The following NPAS4 variants were observed in gnomAD, a reference collection of about 807,000 sequenced individuals.
NPAS4 encodes the protein neuronal PAS domain protein 4.
NPAS4 carries 10 observed loss-of-function variants against 64.0 expected under a neutral mutation model. That is an observed-to-expected ratio of 0.16 (90% CI 0.10 to 0.26). The LOEUF (loss-of-function observed/expected upper bound fraction) is 0.26, where lower values mean the gene tolerates loss of function less well. Ranked by LOEUF, NPAS4 falls within the 10% of genes least tolerant of loss-of-function variation. The pLI is 1.00. For synonymous variants in NPAS4, 441 were observed against 411.7 expected (o/e 1.07, Z -0.86); for missense variants, 886 against 992.6 (o/e 0.89, Z 1.44).
Position 66,424,058 on chromosome 11 carries a change from C to T in NPAS4, c.1168C>T (p.Leu390Phe). Reference sequence around the variant, plus strand: ...GAGTGTTGTCTCTGCATCAGAAGAGCTTCCCCGACCCTCCAAAGAACTGGA... The same window carrying T: ...GAGTGTTGTCTCTGCATCAGAAGAGTTTCCCCGACCCTCCAAAGAACTGGA... ...ELSVVSASEELPRPSKELDFS... is the reference protein window; with the variant it reads ...ELSVVSASEEFPRPSKELDFS... The change falls in exon 7 of 8, where the codon CTT becomes TTT. Residue 390 changes from leucine (L) to phenylalanine (F), a missense_variant. Around this residue, in one of 3 missense-constraint regions of NPAS4, gnomAD observed 820 missense variants for 855.5 expected, o/e 0.96. Coordinates refer to ENST00000311034, the MANE Select transcript of NPAS4 (RefSeq NM_178864.4). The T allele has an allele frequency of 6.2e-7, 1 of 1,614,124 alleles. No individual in the cohort carries two copies. Among genetic ancestry groups the T allele is most frequent in the Non-Finnish European group, 8.5e-7 (1 of 1,179,992 alleles).
chr11:66,422,742 G>C lies in NPAS4; in HGVS notation c.499G>C (p.Val167Leu). The change falls in exon 4 of 8, where the codon GTG becomes CTG. Residue 167 changes from valine to leucine, a missense_variant. Val to Leu is a conservative substitution (Grantham distance 32). Transcript: ENST00000311034. ...GCGCCAGAGTGCAGGCAACAAACTC[G>C]TGCTTATTCGAGGCCGATTCCATGC... is the stretch of plus-strand genomic sequence containing the variant. The part of the protein sequence containing the change: ...LRRQSAGNKL[V>L]LIRGRFHAHP... 6.2e-7 allele frequency: 1 copy of C among 1,614,120 alleles called. No homozygotes were observed. The highest frequency in any genetic ancestry group is 8.5e-7 in the Non-Finnish European group (1 of 1,180,022).
intron 1 of NPAS4, 85 bp downstream of exon 1, chr11:66,421,439 G>A: frequency 1.6e-6 from 2 of 1,244,162 alleles, no homozygotes; most frequent in Non-Finnish European, 2.3e-6. Flanking sequence ...GCTGTCGCAT[G>A]TCTAGGGCAG....
In NPAS4 at chr11:66,423,988, A is replaced by T. The variant is rs756295950; in HGVS notation, c.1098A>T (p.Ala366=). The change falls in exon 7 of 8, where the codon GCA becomes GCT. Residue 366 remains alanine, a synonymous_variant. Coordinates refer to ENST00000311034, the MANE Select transcript of NPAS4 (RefSeq NM_178864.4). The stretch of plus-strand genomic sequence containing the variant: ...GCACTAACCCACTCTTCACCGCAGC[A>T]CTGGGGGCTCCCAGAAGCACCAGCT... The part of the protein sequence containing the change: ...CSSTNPLFTA[A]LGAPRSTSFP... 2 of 1,614,140 alleles carry T rather than the reference A, an allele frequency of 1.2e-6. No homozygotes were observed. Among genetic ancestry groups the T allele is most frequent in the Non-Finnish European group, 1.7e-6 (2 of 1,180,004 alleles).
Position 66,421,150 on chromosome 11 carries a change from AC to A in NPAS4, c.-27del. The stretch of plus-strand genomic sequence containing the variant: ...GGGACGGGAGCGCAGGTGCTCGGGC[AC>A]CCGAGCTGGAGCTCCGCAGCCGCCG... On this transcript the variant is annotated 5_prime_UTR_variant, in exon 1 of 8. Coordinates refer to ENST00000311034, the MANE Select transcript of NPAS4 (RefSeq NM_178864.4). 6.4e-7 allele frequency: 1 copy of A among 1,564,514 alleles called. No individual in the cohort carries two copies.
chr11:66,412,202 G>A, the NPAS4 span, among the ~76,000 whole-genome samples: 13 of 152,354 alleles, frequency 8.5e-5, no homozygotes, highest in South Asian at 2.1e-3. Flanking sequence ...GTTGGCTTCC[G>A]GAAGAATGGC....
rs747102903 is a variant in NPAS4 at position 66,422,756 on chromosome 11, C to T, written c.513C>T (p.Gly171=). The T allele has an allele frequency of 6.2e-7, 1 of 1,614,184 alleles. No homozygotes were observed. Among genetic ancestry groups the T allele is most frequent in the Non-Finnish European group, 8.5e-7 (1 of 1,180,034 alleles). ...GCAACAAACTCGTGCTTATTCGAGG[C>T]CGATTCCATGCTCACCCACCTGGAG... ...SAGNKLVLIR[G]RFHAHPPGAY... Residue 171 remains glycine (G), a synonymous_variant, in exon 4 of 8, where the codon GGC becomes GGT. Transcript: ENST00000311034.
chr11:66,426,056 C>G lies in NPAS4; in HGVS notation c.*67C>G, dbSNP rs1315787707. 3.4e-6 allele frequency: 4 copies of G among 1,191,530 alleles called. No homozygotes were observed. In the South Asian group the frequency reaches 3.6e-5, roughly 11 times the overall value. 73.8% of individuals were successfully genotyped at this position (1,191,530 alleles called of 1,614,324 possible). A position where few individuals can be genotyped will look rare whatever the true frequency, so the allele number is the denominator to read the frequency against. On this transcript the variant is annotated 3_prime_UTR_variant, in exon 8 of 8. Transcript: ENST00000311034. ...ATCAAGACGTGGAGCCGCTCTCCAC[C>G]CCCCCGGGACTGTTGGGGGGATTCT... is the stretch of plus-strand genomic sequence containing the variant.
At chr11:66,415,684 C>T in the NPAS4 span, among the ~76,000 whole-genome samples, 6 of 152,188 alleles carry the variant, frequency 3.9e-5, no homozygotes, top group Admixed American at 3.9e-4. Flanking sequence ...AACCCTAGCC[C>T]TATCACGTGG....
intron 1 of NPAS4, 116 bp downstream of exon 1, chr11:66,421,470 A>T (rs1221697464): frequency 5.7e-6 from 5 of 880,994 alleles, no homozygotes; most frequent in Non-Finnish European, 5.4e-6. Context: ...AGCTGGGGAG[A>T]TTCGGGACTC....
intron 5 of NPAS4, 114 bp from the exon 6 acceptor site, chr11:66,423,464 A>G: frequency 2.4e-6 from 3 of 1,252,526 alleles, no homozygotes. Context: ...AGGTGAGGGT[A>G]GTCAGAAGAG....
chr11:66,413,505 G>A, the NPAS4 span, among the ~76,000 whole-genome samples: 107 of 152,366 alleles, frequency 7.0e-4, no homozygotes, highest in African/African-American at 2.4e-3. Context: ...CTCAAGGCTA[G>A]GCTTGGACCC....
At chr11:66,409,738 G>A in the NPAS4 span, 2 of 152,348 alleles carry the variant, frequency 1.3e-5, no homozygotes, top group Non-Finnish European at 2.9e-5. Context: ...CTGGCCAGAG[G>A]TCAAGGCATT....
chr11:66,421,980 G>C, intron 1 of NPAS4, 140 bp from the exon 2 acceptor site: 1 of 706,870 alleles, frequency 1.4e-6, no homozygotes, highest in Non-Finnish European at 2.4e-6. Flanking sequence ...AAGAGCTGCG[G>C]GCAGCGGGTC....
the NPAS4 span, among the ~76,000 whole-genome samples, chr11:66,415,206 T>C: frequency 1.3e-5 from 2 of 152,072 alleles, no homozygotes; most frequent in South Asian, 4.2e-4. Context: ...TCATCCTGCA[T>C]GGGGAGGGTA....
chr11:66,417,467 G>T (rs778749680), upstream of NPAS4, among the ~76,000 whole-genome samples: 1 of 152,158 alleles, frequency 6.6e-6, no homozygotes, highest in Non-Finnish European at 1.5e-5. Context: ...GAGAGGTCAT[G>T]TGGGGCTCCT....
chr11:66,419,728 G>T (rs1338866370), upstream of NPAS4, among the ~76,000 whole-genome samples: 2 of 152,212 alleles, frequency 1.3e-5, no homozygotes, highest in Middle Eastern at 3.4e-3. Context: ...AAGGTGACAG[G>T]ATATGAAAAG....
In NPAS4 at chr11:66,425,973, G is replaced by A; in HGVS notation, c.2393G>A (p.Gly798Glu). 6.2e-7 allele frequency: 1 copy of A among 1,612,162 alleles called. No homozygotes were observed. Among genetic ancestry groups the A allele is most frequent in the Non-Finnish European group, 8.5e-7 (1 of 1,178,218 alleles). The part of the protein sequence containing the change: ...QDSFHEDGSG[G>E]EPTF ...TATCTCTCTGCAGATGGAAGTGGAG[G>A]GGAACCAACGTTTTGAATAAGTCTG... The change falls in exon 8 of 8, where the codon GGG becomes GAG. Residue 798 changes from glycine to glutamate, a missense_variant. Coordinates refer to ENST00000311034, the MANE Select transcript of NPAS4 (RefSeq NM_178864.4).
At chr11:66,418,710 C>T (rs1856696672), upstream of NPAS4, among the ~76,000 whole-genome samples, 1 of 152,184 alleles carries the variant, frequency 6.6e-6, no homozygotes. Context: ...TTACTTCACC[C>T]TTAGAGCCCA....
intron 7 of NPAS4, among the ~76,000 whole-genome samples, chr11:66,425,675 G>A (rs1255503226): frequency 2.0e-5 from 3 of 152,148 alleles, no homozygotes; most frequent in African/African-American, 7.2e-5. Flanking sequence ...CTCCCTGAAG[G>A]GGATACAGAG....
Sources: gnomAD v4.1 joint callset for allele counts (sites outside exome capture counted in the v4.1 genomes callset) on GRCh38, gnomAD v4.1.1 for gene constraint, gnomAD v4.1.1 regional missense constraint, MANE v1.5 for transcripts, NCBI Gene and HGNC (gene_info 2026-07-23, HGNC 2026-07-21) for gene names.